The following PGGT1B variants were observed in gnomAD, a reference collection of about 807,000 sequenced individuals.
PGGT1B encodes geranylgeranyl transferase type-1 subunit beta.
A neutral mutation model predicts 46.1 loss-of-function variants in PGGT1B; 30 were observed. The observed-to-expected ratio is 0.65, with a 90% CI of 0.49 to 0.88. The LOEUF (loss-of-function observed/expected upper bound fraction) is 0.88. Ranked by LOEUF, PGGT1B falls within the 40% of genes least tolerant of loss-of-function variation. PGGT1B has a pLI of 0.00. For missense variants in PGGT1B, 376 were observed against 455.9 expected (o/e 0.82, Z 1.60); for synonymous variants, 170 against 160.0 (o/e 1.06, Z -0.47).
intron 2 of PGGT1B, among the ~76,000 whole-genome samples, chr5:115,250,533 A>C (rs921881261): frequency 6.6e-6 from 1 of 152,190 alleles, no homozygotes; most frequent in Admixed American, 6.5e-5. Context: ...CTGAAGAAAA[A>C]AATTGGCAGT....
chr5:115,212,575 G>C lies in PGGT1B; in HGVS notation c.961C>G (p.His321Asp), dbSNP rs781568607. Reference protein sequence around the residue: ...KWPDSHPDALHAYFGICGLSL... With the variant: ...KWPDSHPDALDAYFGICGLSL... ...AGGCCACAGATCCCAAAGTATGCATGCAAAGCATCTGAAAAGAAGGCATTT... is the reference window on the plus strand; with the variant it reads ...AGGCCACAGATCCCAAAGTATGCATCCAAAGCATCTGAAAAGAAGGCATTT... Residue 321 changes from histidine to aspartate, a missense_variant, in exon 9 of 9, where the codon CAT becomes GAT. Around this residue, in one of 2 missense-constraint regions of PGGT1B, gnomAD observed 222 missense variants for 313.6 expected, o/e 0.71. Coordinates refer to ENST00000419445, the MANE Select transcript of PGGT1B (RefSeq NM_005023.4). 1.2e-6 allele frequency: 2 copies of C among 1,602,700 alleles called. No individual in the cohort carries two copies. The highest frequency in any genetic ancestry group is 3.4e-5 in the Admixed American group (2 of 58,096).
intron 2 of PGGT1B, among the ~76,000 whole-genome samples, chr5:115,247,881 C>T (rs908238849): frequency 1.3e-5 from 2 of 152,152 alleles, no homozygotes; most frequent in African/African-American, 4.8e-5. Flanking sequence ...GTCTACCAGA[C>T]ATCTGACCTG....
rs767141936 is a variant in PGGT1B at position 115,262,836 on chromosome 5, C to T, written c.16G>A (p.Asp6Asn). 8 of 1,612,214 alleles carry T rather than the reference C, an allele frequency of 5.0e-6. No individual in the cohort carries two copies. The East Asian group carries it at 8.9e-5, about 18-fold the overall frequency. The part of the protein sequence containing the change: MAATE[D>N]ERLAGSGEGE... Reference sequence around the variant, plus strand: ...TCACCGCTCCCTGCTAGCCTCTCATCCTCAGTGGCCGCCATGCTGCTCCGG... The same window carrying T: ...TCACCGCTCCCTGCTAGCCTCTCATTCTCAGTGGCCGCCATGCTGCTCCGG... Residue 6 changes from aspartate (D) to asparagine (N), a missense_variant, in exon 1 of 9, where the codon GAT (aspartate) becomes AAT (asparagine). Around this residue, in one of 2 missense-constraint regions of PGGT1B, gnomAD observed 154 missense variants for 142.3 expected, o/e 1.08. Coordinates refer to ENST00000419445, the MANE Select transcript of PGGT1B (RefSeq NM_005023.4).
chr5:115,252,505 T>C (rs768346213), intron 2 of PGGT1B, among the ~76,000 whole-genome samples: 13 of 152,010 alleles, frequency 8.6e-5, no homozygotes, highest in Non-Finnish European at 1.6e-4. Context: ...GGTTAGAATT[T>C]ATAACATGTA....
At chr5:115,215,234 G>A (rs1756377954) in intron 8 of PGGT1B, among the ~76,000 whole-genome samples, 1 of 152,124 alleles carries the variant, frequency 6.6e-6, no homozygotes, top group Non-Finnish European at 1.5e-5. Context: ...CTGACTTCAA[G>A]TGATTCACCA....
At position 115,210,317 on chromosome 5, in the gene PGGT1B, T is replaced by C. The variant is rs1756185992; in HGVS notation, c.*2085A>G. On this transcript the variant is annotated 3_prime_UTR_variant, in exon 9 of 9. Coordinates refer to ENST00000419445, the MANE Select transcript of PGGT1B (RefSeq NM_005023.4). ...ATCGCTCCTGTTAAGGAATAAAGTG[T>C]ATATGTGAAATATTGCTTATAATTT... is the stretch of plus-strand genomic sequence containing the variant. The C allele has an allele frequency of 6.6e-6, 1 of 152,146 alleles. No individual in the cohort carries two copies. The highest frequency in any genetic ancestry group is 1.5e-5 in the Non-Finnish European group (1 of 68,004). The allele number at this position is 152,146 out of a possible 1,614,324, so 9.4% of individuals were successfully genotyped here.
intron 4 of PGGT1B, 58 bp from the exon 5 acceptor site, chr5:115,236,580 A>T: frequency 7.9e-7 from 1 of 1,260,534 alleles, no homozygotes; most frequent in Non-Finnish European, 1.1e-6. Context: ...ATTTTTTTGC[A>T]TGGGGGTTAG....
At chr5:115,212,996 A>C (rs935584273) in intron 8 of PGGT1B, among the ~76,000 whole-genome samples, 7 of 152,180 alleles carry the variant, frequency 4.6e-5, no homozygotes, top group African/African-American at 1.4e-4. Context: ...AAACGAAAAC[A>C]AAACTCTGAA....
intron 7 of PGGT1B, among the ~76,000 whole-genome samples, chr5:115,217,857 G>A (rs989330674): frequency 1.4e-4 from 22 of 151,770 alleles, no homozygotes; most frequent in African/African-American, 5.1e-4. Context: ...TCCATCAGTG[G>A]CACACTGGTC....
intron 2 of PGGT1B, among the ~76,000 whole-genome samples, chr5:115,248,975 T>C (rs1298200375): frequency 6.6e-6 from 1 of 152,372 alleles, no homozygotes; most frequent in Non-Finnish European, 1.5e-5. Context: ...CTATGAACTT[T>C]TAGTTTTTAT....
intron 2 of PGGT1B, among the ~76,000 whole-genome samples, chr5:115,246,509 T>C (rs1236636202): frequency 6.6e-6 from 1 of 152,232 alleles, no homozygotes; most frequent in Non-Finnish European, 1.5e-5. Context: ...CACAATTCAT[T>C]GTAAATTTAT....
chr5:115,238,235 A>G (rs1757242927), intron 3 of PGGT1B, among the ~76,000 whole-genome samples: 1 of 143,636 alleles, frequency 7.0e-6, no homozygotes, highest in South Asian at 2.3e-4. Flanking sequence ...CTCAGGCATT[A>G]TGGAAGTAGT....
chr5:115,218,448 T>C (rs1756488117), intron 7 of PGGT1B, among the ~76,000 whole-genome samples: 1 of 139,228 alleles, frequency 7.2e-6, no homozygotes, highest in Non-Finnish European at 1.5e-5. Context: ...ATATATAATA[T>C]ATGACTAAAA....
Position 115,262,806 on chromosome 5 carries a change from C to T in PGGT1B, c.46G>A (p.Glu16Lys), listed in dbSNP as rs1458180369. 13 of 1,612,780 alleles carry T rather than the reference C, an allele frequency of 8.1e-6. 1 individual carries two copies. Among genetic ancestry groups the T allele is most frequent in the Non-Finnish European group, 1.1e-5 (13 of 1,179,936 alleles). The stretch of plus-strand genomic sequence containing the variant: ...CGATCCCGTAAGAAATCCAGCCGCT[C>T]TCCCTCACCGCTCCCTGCTAGCCTC... The part of the protein sequence containing the change: ...DERLAGSGEG[E>K]RLDFLRDRHV... The change falls in exon 1 of 9, where the codon GAG (glutamate) becomes AAG (lysine). Residue 16 changes from glutamate to lysine, a missense_variant. This residue lies in a region of PGGT1B where 154 missense variants were observed against 142.3 expected (regional missense o/e 1.08). Transcript: ENST00000419445.
In PGGT1B at chr5:115,253,193, T is replaced by C. The variant is rs1748177906; in HGVS notation, c.203A>G (p.Asn68Ser). The change falls in exon 2 of 9, where the codon AAC becomes AGC. Residue 68 changes from asparagine (N) to serine (S), a missense_variant. Physicochemically the swap from Asn to Ser is conservative, Grantham distance 46. This residue lies in a region of PGGT1B where 154 missense variants were observed against 142.3 expected (regional missense o/e 1.08). Transcript: ENST00000419445. ...LDMLDSLDVV[N>S]KDDIIEWIYS... The stretch of plus-strand genomic sequence containing the variant: ...AATCCACTCTATTATATCATCTTTG[T>C]TCACCACATCTAAGGAATCCAACAT... The C allele has an allele frequency of 6.2e-7, 1 of 1,604,682 alleles. No individual in the cohort carries two copies. Among genetic ancestry groups the C allele is most frequent in the Non-Finnish European group, 8.5e-7 (1 of 1,175,810 alleles).
At position 115,205,551 on chromosome 5, in the gene PGGT1B, C is replaced by G. The variant is rs1756037223; in HGVS notation, c.*6851G>C. 6.6e-6 allele frequency: 1 copy of G among 152,096 alleles called. No individual in the cohort carries two copies. The highest frequency in any genetic ancestry group is 6.6e-5 in the Admixed American group (1 of 15,264). The allele number at this position is 152,096 out of a possible 1,614,324, so 9.4% of individuals were successfully genotyped here. A position where few individuals can be genotyped will look rare whatever the true frequency, so the allele number is the denominator to read the frequency against. The stretch of plus-strand genomic sequence containing the variant: ...AGACAGAAAACATGCACTCTAGTTA[C>G]AGTACTGCTACTAACTGTTAAAGCT... On this transcript the variant is annotated 3_prime_UTR_variant, in exon 9 of 9. Transcript: ENST00000419445.
chr5:115,262,696 CTG>C lies in PGGT1B; in HGVS notation c.140+14_140+15del. The C allele has an allele frequency of 6.3e-7, 1 of 1,596,454 alleles. No individual in the cohort carries two copies. The highest frequency in any genetic ancestry group is 8.5e-7 in the Non-Finnish European group (1 of 1,170,994). ...CCGGGCCTTGTGCCAGCCTGGCTGACTGTGCCACGAGTTACCTGCTTGTCTCG... is the reference window on the plus strand; with the variant it reads ...CCGGGCCTTGTGCCAGCCTGGCTGACTGCCACGAGTTACCTGCTTGTCTCG... On this transcript the variant is annotated intron_variant, in intron 1 of 8. Transcript: ENST00000419445.
chr5:115,221,168 C>T (rs1168668902), intron 7 of PGGT1B, among the ~76,000 whole-genome samples: 1 of 151,860 alleles, frequency 6.6e-6, no homozygotes, highest in Non-Finnish European at 1.5e-5. Context: ...AGAAGACAAA[C>T]ATGGACTCCT....
chr5:115,211,760 T>C lies in PGGT1B; in HGVS notation c.*642A>G, dbSNP rs1217418229. ...AGTTGCTTTTCCCTCAGTTACATAATAGTTGTCTTCAAACAATCTCCTTTT... is the reference window on the plus strand; with the variant it reads ...AGTTGCTTTTCCCTCAGTTACATAACAGTTGTCTTCAAACAATCTCCTTTT... On this transcript the variant is annotated 3_prime_UTR_variant, in exon 9 of 9. Transcript: ENST00000419445. The C allele has an allele frequency of 2.0e-5, 3 of 152,208 alleles. No individual in the cohort carries two copies. The highest frequency in any genetic ancestry group is 7.2e-5 in the African/African-American group (3 of 41,452). 9.4% of individuals were successfully genotyped at this position (152,208 alleles called of 1,614,324 possible).
Sources: gnomAD v4.1 joint callset for allele counts (sites outside exome capture counted in the v4.1 genomes callset) on GRCh38, gnomAD v4.1.1 for gene constraint, gnomAD v4.1.1 regional missense constraint, MANE v1.5 for transcripts, NCBI Gene and HGNC (gene_info 2026-07-23, HGNC 2026-07-21) for gene names.